Variants in ULK4 observed in about 807,000 individuals in gnomAD.
The protein encoded by ULK4 is unc-51 like kinase 4, also known as inactive serine/threonine-protein kinase ULK4.
In ULK4, 133 loss-of-function variants were observed where a neutral mutation model predicts 160.6. That is an observed-to-expected ratio of 0.83 (90% CI 0.72 to 0.96). The LOEUF (loss-of-function observed/expected upper bound fraction) is 0.96, where lower values mean the gene tolerates loss of function less well. Ranked by LOEUF, ULK4 falls within the 40% of genes least tolerant of loss-of-function variation. The probability of loss-of-function intolerance (pLI) is 0.00; values close to 1 mark genes in which losing one functional copy is unlikely to be tolerated. For synonymous variants in ULK4, 534 were observed against 539.8 expected (o/e 0.99, Z 0.15); for missense variants, 1,580 against 1,499.5 (o/e 1.05, Z -0.89).
Position 41,546,489 on chromosome 3 carries a change from A to G in ULK4, c.3226+19536T>C, listed in dbSNP as rs2125959546. Among the ~76,000 whole-genome samples the G allele has an allele frequency of 1.3e-5, 2 of 152,096 alleles. 1 individual carries two copies. Among genetic ancestry groups the G allele is most frequent in the South Asian group, 4.2e-4 (2 of 4,816 alleles). On this transcript the variant is annotated intron_variant, in intron 32 of 36. Transcript: ENST00000301831. ...CCAACATCTTTCATTACCATTCATC[A>G]TCATGTCAGTTCAGCTCTCAGCCTT...
intron 29 of ULK4, among the ~76,000 whole-genome samples, chr3:41,674,782 C>T (rs1305389378): frequency 6.6e-6 from 1 of 152,124 alleles, no homozygotes; most frequent in African/African-American, 2.4e-5. Context: ...AGCTTGAAGA[C>T]AGAGGGATTC....
chr3:41,915,841 A>G (rs1261540509), intron 8 of ULK4, 136 bp downstream of exon 8: 3 of 616,854 alleles, frequency 4.9e-6, no homozygotes, highest in Non-Finnish European at 5.6e-6. Context: ...CTATTTGTAT[A>G]TTAAGAACAG....
At chr3:41,727,358 A>T (rs1559511442) in intron 22 of ULK4, among the ~76,000 whole-genome samples, 1 of 152,240 alleles carries the variant, frequency 6.6e-6, no homozygotes, top group African/African-American at 2.4e-5. Flanking sequence ...TGGAGTGTAT[A>T]TTCAAGTCCA....
intron 31 of ULK4, among the ~76,000 whole-genome samples, chr3:41,589,130 A>T (rs1160406472): frequency 6.8e-6 from 1 of 147,128 alleles, no homozygotes; most frequent in Non-Finnish European, 1.5e-5. Context: ...AAAAAAAAAA[A>T]TAACTTAGCA....
chr3:41,800,759 A>T (rs563356112), intron 19 of ULK4, among the ~76,000 whole-genome samples: 1 of 152,322 alleles, frequency 6.6e-6, no homozygotes, highest in South Asian at 2.1e-4. Context: ...AGGGACATCA[A>T]GGAGAGTCCT....
chr3:41,486,609 G>T (rs9846397), intron 32 of ULK4, among the ~76,000 whole-genome samples: 62,235 of 151,948 alleles, frequency 0.41, 12,937 homozygotes, highest in African/African-American at 0.43. Context: ...AGAGCAATTT[G>T]TGCTACTGGT....
intron 35 of ULK4, among the ~76,000 whole-genome samples, chr3:41,286,115 G>A (rs186152761): frequency 7.4e-4 from 112 of 152,254 alleles, no homozygotes; most frequent in African/African-American, 2.5e-3. Context: ...TGATGCACAC[G>A]CTAATAGGCC....
At position 41,919,769 on chromosome 3, in the gene ULK4, G is replaced by A; in HGVS notation, c.591C>T (p.Ser197=). ...APEVVRGADF[S]ISSDLWSLGC... ...CCAAAGACCAGAGGTCACTGGAGAT[G>A]GAAAAGTCAGCACCCCTCACAACTT... The change falls in exon 6 of 37, where the codon TCC becomes TCT. Residue 197 remains serine, a synonymous_variant. Coordinates refer to ENST00000301831, the MANE Select transcript of ULK4 (RefSeq NM_017886.4). The A allele has an allele frequency of 1.2e-6, 2 of 1,614,090 alleles. No homozygotes were observed. Among genetic ancestry groups the A allele is most frequent in the Non-Finnish European group, 1.7e-6 (2 of 1,180,002 alleles).
At chr3:41,654,393 A>T (rs1428089639) in intron 30 of ULK4, among the ~76,000 whole-genome samples, 1 of 152,226 alleles carries the variant, frequency 6.6e-6, no homozygotes, top group African/African-American at 2.4e-5. Context: ...CAAAATGCTA[A>T]ATTTTTCAAC....
chr3:41,457,867 C>T (rs555444625), intron 33 of ULK4, among the ~76,000 whole-genome samples: 2 of 152,276 alleles, frequency 1.3e-5, no homozygotes, highest in African/African-American at 4.8e-5. Flanking sequence ...CTAGCGATCC[C>T]CTAGCTGTTA....
chr3:41,782,182 A>T (rs1328479364), intron 21 of ULK4, among the ~76,000 whole-genome samples: 1 of 149,434 alleles, frequency 6.7e-6, no homozygotes, highest in Non-Finnish European at 1.5e-5. Flanking sequence ...GGGCAAGTTC[A>T]AGTATGTCTT....
chr3:41,500,028 TC>T (rs370904801), intron 32 of ULK4, among the ~76,000 whole-genome samples: 135 of 152,228 alleles, frequency 8.9e-4, no homozygotes, highest in African/African-American at 2.4e-3. Flanking sequence ...TATTATTTTC[TC>T]TTTTTCATTC....
At chr3:41,622,829 G>A (rs1040425619) in intron 30 of ULK4, among the ~76,000 whole-genome samples, 4 of 151,982 alleles carry the variant, frequency 2.6e-5, no homozygotes, top group South Asian at 2.1e-4. Flanking sequence ...GATTTTTTCC[G>A]TAACAGTCCA....
intron 32 of ULK4, among the ~76,000 whole-genome samples, chr3:41,515,371 T>C (rs551557002): frequency 2.0e-5 from 3 of 152,136 alleles, no homozygotes; most frequent in South Asian, 2.1e-4. Flanking sequence ...GAATACTATA[T>C]AGTAATTAAA....
At chr3:41,428,322 C>A (rs1404192582) in intron 34 of ULK4, among the ~76,000 whole-genome samples, 1 of 152,060 alleles carries the variant, frequency 6.6e-6, no homozygotes, top group Non-Finnish European at 1.5e-5. Flanking sequence ...GAATAAATAT[C>A]GTGAAAATGG....
At chr3:41,603,251 T>C (rs2032204549) in intron 31 of ULK4, among the ~76,000 whole-genome samples, 1 of 151,966 alleles carries the variant, frequency 6.6e-6, no homozygotes, top group South Asian at 2.1e-4. Context: ...AATGATAAAA[T>C]AATAAAATTA....
intron 35 of ULK4, chr3:41,260,202 C>CCT (rs1232416014): frequency 6.6e-6 from 1 of 152,178 alleles, no homozygotes; most frequent in Non-Finnish European, 1.5e-5. Flanking sequence ...GACAGGCCAC[C>CCT]CTCTTGCCAC....
chr3:41,929,349 A>G (rs959081540), intron 5 of ULK4, among the ~76,000 whole-genome samples: 1 of 152,208 alleles, frequency 6.6e-6, no homozygotes, highest in East Asian at 1.9e-4. Flanking sequence ...TCTCAAAATA[A>G]TAAGAGCTAT....
intron 31 of ULK4, among the ~76,000 whole-genome samples, chr3:41,585,926 A>G (rs997157353): frequency 1.3e-5 from 2 of 152,378 alleles, no homozygotes; most frequent in Middle Eastern, 3.4e-3. Context: ...ATCACTAATT[A>G]TAAGAGAAAT....
Sources: allele counts gnomAD v4.1 joint callset (sites outside exome capture counted in the v4.1 genomes callset), GRCh38; gene constraint gnomAD v4.1.1; transcripts MANE v1.5; gene names NCBI Gene and HGNC (gene_info 2026-07-23, HGNC 2026-07-21).